The following ZFAND6 variants were observed in gnomAD, a reference collection of about 807,000 sequenced individuals.
ZFAND6 encodes the protein zinc finger AN1-type containing 6.
In ZFAND6, 12 loss-of-function variants were observed where a neutral mutation model predicts 24.5. The ratio of observed to expected loss-of-function variants is 0.49; its 90% confidence interval spans 0.31 to 0.79. ZFAND6 has a LOEUF of 0.79. Ranked by LOEUF, ZFAND6 falls within the 30% of genes least tolerant of loss-of-function variation. ZFAND6 has a pLI of 0.04. For synonymous variants in ZFAND6, 92 were observed against 81.5 expected, an observed-to-expected ratio of 1.13 and a Z score of -0.69; for missense variants, 207 against 245.9, an observed-to-expected ratio of 0.84 and a Z score of 1.06.
intron 1 of ZFAND6, among the ~76,000 whole-genome samples, chr15:80,091,133 A>T (rs879601628): frequency 6.6e-6 from 1 of 150,690 alleles, no homozygotes; most frequent in Non-Finnish European, 1.5e-5. Flanking sequence ...TTTCATTAGT[A>T]TCATATTTTC....
intron 1 of ZFAND6, chr15:80,072,788 A>G (rs2037053304): frequency 6.6e-6 from 1 of 152,084 alleles, no homozygotes; most frequent in African/African-American, 2.4e-5. Flanking sequence ...AAGCAGAACA[A>G]AAGGGCTCTT....
intron 1 of ZFAND6, among the ~76,000 whole-genome samples, chr15:80,065,770 C>T (rs2036598692): frequency 6.6e-6 from 1 of 151,776 alleles, no homozygotes; most frequent in Non-Finnish European, 1.5e-5. Flanking sequence ...GTCTCGAACC[C>T]CTGACCTCAG....
intron 2 of ZFAND6, chr15:80,111,519 T>C (rs1464361992): frequency 2.2e-6 from 1 of 456,062 alleles, no homozygotes. Context: ...AGAAGTTTTC[T>C]AGAATCTATC....
intron 1 of ZFAND6, among the ~76,000 whole-genome samples, chr15:80,065,797 G>A (rs369959173): frequency 6.6e-6 from 1 of 151,650 alleles, no homozygotes; most frequent in South Asian, 2.1e-4. Context: ...TACCCACCTC[G>A]GCCTCCCAAA....
At chr15:80,131,005 A>T in intron 5 of ZFAND6, 175 bp from the exon 6 acceptor site, 1 of 480,998 alleles carries the variant, frequency 2.1e-6, no homozygotes, top group Admixed American at 3.6e-5. Context: ...GCATATATAC[A>T]TACATTTAAC....
At chr15:80,118,368 G>A (rs1258257294) in intron 2 of ZFAND6, among the ~76,000 whole-genome samples, 7 of 151,904 alleles carry the variant, frequency 4.6e-5, no homozygotes, top group African/African-American at 7.3e-5. Context: ...GTGAGCCACC[G>A]TGCCCGGCCT....
At chr15:80,089,293 G>C (rs1290282000) in intron 1 of ZFAND6, among the ~76,000 whole-genome samples, 1 of 117,536 alleles carries the variant, frequency 8.5e-6, no homozygotes, top group African/African-American at 3.2e-5. Context: ...TTGAGACAGA[G>C]TCTCTGTCAC....
At chr15:80,119,295 A>T (rs1356109359) in intron 2 of ZFAND6, among the ~76,000 whole-genome samples, 1 of 152,174 alleles carries the variant, frequency 6.6e-6, no homozygotes, top group African/African-American at 2.4e-5. Flanking sequence ...ATAAATACTT[A>T]AAAAAATAAA....
At chr15:80,132,322 T>G (rs1262423483) in intron 6 of ZFAND6, among the ~76,000 whole-genome samples, 1 of 151,826 alleles carries the variant, frequency 6.6e-6, no homozygotes, top group Admixed American at 6.6e-5. Context: ...GTGTAGATAC[T>G]TGTGTATTTT....
At chr15:80,085,250 G>A (rs565840845) in intron 1 of ZFAND6, among the ~76,000 whole-genome samples, 7 of 152,132 alleles carry the variant, frequency 4.6e-5, no homozygotes, top group South Asian at 4.2e-4. Context: ...ATTTTTGTAC[G>A]TGGTTTAAGT....
chr15:80,126,616 G>A (rs1596312792), intron 5 of ZFAND6, among the ~76,000 whole-genome samples: 1 of 152,166 alleles, frequency 6.6e-6, no homozygotes, highest in African/African-American at 2.4e-5. Context: ...GGACTCCTAT[G>A]TCATACCATA....
In ZFAND6 at chr15:80,134,538, A is replaced by G. The variant is rs182048068; in HGVS notation, c.479-2942A>G. Reference sequence around the variant, plus strand: ...TTGAAGATACCATTATTGTTTAGAAAAAGATGTGAAAGCTCTCAAGCCTGA... The same window carrying G: ...TTGAAGATACCATTATTGTTTAGAAGAAGATGTGAAAGCTCTCAAGCCTGA... On this transcript the variant is annotated intron_variant, in intron 6 of 6. Coordinates refer to ENST00000261749, the MANE Select transcript of ZFAND6 (RefSeq NM_019006.4). Among the ~76,000 whole-genome samples, 255 of 152,356 alleles carry G rather than the reference A, an allele frequency of 1.7e-3. 1 individual carries two copies. Among genetic ancestry groups the G allele is most frequent in the African/African-American group, 6.0e-3 (249 of 41,588 alleles).
chr15:80,120,382 T>C lies in ZFAND6; in HGVS notation c.38T>C (p.Leu13Pro). 1 of 1,603,674 alleles carries C rather than the reference T, an allele frequency of 6.2e-7. No homozygotes were observed. Among genetic ancestry groups the C allele is most frequent in the South Asian group, 1.1e-5 (1 of 89,830 alleles). ...ACTAATCACAGCCAAGTGCCTATGCTTTGTTCCACTGGCTGTGGATTTTAT... is the reference window on the plus strand; with the variant it reads ...ACTAATCACAGCCAAGTGCCTATGCCTTGTTCCACTGGCTGTGGATTTTAT... ...QETNHSQVPM[L>P]CSTGCGFYGN... Residue 13 changes from leucine to proline, a missense_variant, in exon 3 of 7, where the codon CTT becomes CCT. Around this residue, in one of 3 missense-constraint regions of ZFAND6, gnomAD observed 29 missense variants for 55.4 expected, o/e 0.52. Transcript: ENST00000261749.
intron 1 of ZFAND6, among the ~76,000 whole-genome samples, chr15:80,084,040 G>A (rs1021700727): frequency 6.6e-6 from 1 of 152,148 alleles, no homozygotes; most frequent in African/African-American, 2.4e-5. Flanking sequence ...CAGTAAAGTG[G>A]CATGGGTTCA....
rs369305763 is a variant in ZFAND6 at position 80,137,453 on chromosome 15, C to T, written c.479-27C>T. Reference sequence around the variant, plus strand: ...GACCTTAATATTTCATCCTTCAACTCATGTATGTGTATTACTCCATTTCCA... The same window carrying T: ...GACCTTAATATTTCATCCTTCAACTTATGTATGTGTATTACTCCATTTCCA... On this transcript the variant is annotated intron_variant, in intron 6 of 6. Transcript: ENST00000261749. The T allele has an allele frequency of 6.9e-6, 11 of 1,585,514 alleles. No individual in the cohort carries two copies. In the Admixed American group the frequency reaches 7.8e-5, roughly 11 times the overall value.
At chr15:80,064,144 A>G (rs951237972) in intron 1 of ZFAND6, among the ~76,000 whole-genome samples, 1 of 152,258 alleles carries the variant, frequency 6.6e-6, no homozygotes, top group Admixed American at 6.5e-5. Flanking sequence ...TGTGATAAAT[A>G]TAAGAGCTAC....
At chr15:80,113,854 A>G (rs964715924) in intron 2 of ZFAND6, among the ~76,000 whole-genome samples, 12 of 152,026 alleles carry the variant, frequency 7.9e-5, no homozygotes, top group Non-Finnish European at 4.4e-5. Flanking sequence ...TATTTGAGTA[A>G]TGGTACAATT....
chr15:80,092,860 T>TTTA (rs1210065562), intron 1 of ZFAND6, among the ~76,000 whole-genome samples: 1 of 152,162 alleles, frequency 6.6e-6, no homozygotes, highest in Non-Finnish European at 1.5e-5. Flanking sequence ...TTAAAATACT[T>TTTA]TTATATTTAG....
At chr15:80,070,663 T>C (rs1032729113) in intron 1 of ZFAND6, among the ~76,000 whole-genome samples, 5 of 152,248 alleles carry the variant, frequency 3.3e-5, no homozygotes, top group Non-Finnish European at 5.9e-5. Flanking sequence ...CTTGGTGTTA[T>C]ATTAGTGTAT....
Sources: gnomAD v4.1 joint callset for allele counts (sites outside exome capture counted in the v4.1 genomes callset) on GRCh38, gnomAD v4.1.1 for gene constraint, gnomAD v4.1.1 regional missense constraint, MANE v1.5 for transcripts, NCBI Gene and HGNC (gene_info 2026-07-23, HGNC 2026-07-21) for gene names.